The following ACSF2 variants were observed in gnomAD, a reference collection of about 807,000 sequenced individuals.
ACSF2 encodes acyl-CoA synthetase family member 2.
In ACSF2, 52 loss-of-function variants were observed where a neutral mutation model predicts 79.3. That is an observed-to-expected ratio of 0.66 (90% CI 0.53 to 0.83). ACSF2 has a LOEUF of 0.83. ACSF2 is among the 40% of genes least tolerant of loss of function. ACSF2 has a pLI of 0.00. For missense variants in ACSF2, 661 were observed against 803.3 expected (o/e 0.82, Z 2.14); for synonymous variants, 283 against 312.6 (o/e 0.91, Z 1.00).
At chr17:50,468,359 A>C in intron 10 of ACSF2, 1 of 1,614,214 alleles carries the variant, frequency 6.2e-7, no homozygotes, top group Non-Finnish European at 8.5e-7. Context: ...GTTGAGCTGC[A>C]AGATGAAGAG....
chr17:50,468,071 G>A (rs2032853719), intron 10 of ACSF2: 1 of 1,608,118 alleles, frequency 6.2e-7, no homozygotes. Flanking sequence ...CAGCCAGAGG[G>A]TCTCCAGGTA....
intron 1 of ACSF2, among the ~76,000 whole-genome samples, chr17:50,458,742 G>A (rs914501532): frequency 6.6e-6 from 1 of 152,188 alleles, no homozygotes. Context: ...ATAAATGTTG[G>A]CTAAGTACTC....
intron 1 of ACSF2, among the ~76,000 whole-genome samples, chr17:50,433,720 G>A (rs1013848402): frequency 6.6e-6 from 1 of 152,140 alleles, no homozygotes; most frequent in African/African-American, 2.4e-5. Flanking sequence ...CCAGTCTCAG[G>A]TGATGTGCCC....
At chr17:50,462,890 C>G in intron 6 of ACSF2, 1 of 581,576 alleles carries the variant, frequency 1.7e-6, no homozygotes, top group Non-Finnish European at 3.0e-6. Context: ...ATCAGAGACG[C>G]AGAAGAGAGA....
At chr17:50,458,011 A>G (rs1243344395) in intron 1 of ACSF2, among the ~76,000 whole-genome samples, 3 of 152,178 alleles carry the variant, frequency 2.0e-5, no homozygotes, top group South Asian at 4.1e-4. Flanking sequence ...AGGAATTTGC[A>G]TTCTTTGTGA....
intron 10 of ACSF2, chr17:50,468,903 CTT>C: frequency 1.4e-6 from 2 of 1,425,190 alleles, no homozygotes; most frequent in Non-Finnish European, 1.8e-6. Flanking sequence ...CTGCCGCCCT[CTT>C]TATACGGTGG....
chr17:50,464,354 A>T, intron 10 of ACSF2, 60 bp downstream of exon 10: 1 of 1,521,998 alleles, frequency 6.6e-7, no homozygotes, highest in Non-Finnish European at 9.1e-7. Context: ...CAGCAGATGG[A>T]CAGACATGGG....
At chr17:50,465,332 G>C (rs747079960) in intron 10 of ACSF2, 1 of 1,614,062 alleles carries the variant, frequency 6.2e-7, no homozygotes, top group Non-Finnish European at 8.5e-7. Context: ...CCTCTTGGTG[G>C]GGAACTTGCA....
intron 10 of ACSF2, chr17:50,469,932 C>CCA (rs2033028084): frequency 6.6e-6 from 1 of 152,592 alleles, no homozygotes; most frequent in African/African-American, 2.4e-5. Flanking sequence ...TGCCCACTTG[C>CCA]CAGCCACGAT....
At chr17:50,466,091 CTT>C (rs1345682475) in intron 10 of ACSF2, among the ~76,000 whole-genome samples, 3 of 120,176 alleles carry the variant, frequency 2.5e-5, no homozygotes, top group African/African-American at 3.2e-5. Flanking sequence ...TTTTTTTTTC[CTT>C]TTTTTTTTTT....
rs1389797560 is a variant in ACSF2, at chr17:50,472,192, C to T, written c.1324-236C>T. 4 of 503,626 alleles carry T rather than the reference C, an allele frequency of 7.9e-6. No individual in the cohort carries two copies. In the Admixed American group the frequency reaches 1.3e-4, roughly 16 times the overall value. The allele number at this position is 503,626 out of a possible 1,614,324, so 31.2% of individuals were successfully genotyped here. ...TGCCTGCCCACTCTGTTTCCTCAGCCCTCCCAGCCTGGGACTCAGCTCTTC... is the reference window on the plus strand; with the variant it reads ...TGCCTGCCCACTCTGTTTCCTCAGCTCTCCCAGCCTGGGACTCAGCTCTTC... On this transcript the variant is annotated intron_variant, in intron 11 of 15. Transcript: ENST00000300441.
In ACSF2 at chr17:50,434,268, G is replaced by A. The variant is rs540820229; in HGVS notation, c.128+7879G>A. On this transcript the variant is annotated intron_variant, in intron 1 of 15. Coordinates refer to ENST00000300441, the MANE Select transcript of ACSF2 (RefSeq NM_025149.6). ...CAGGAAGTCGAGGCTGCAGTGAGCCGTGATCATGCCACCACACTCTAGCCT... is the reference window on the plus strand; with the variant it reads ...CAGGAAGTCGAGGCTGCAGTGAGCCATGATCATGCCACCACACTCTAGCCT... 6.6e-5 allele frequency among the ~76,000 whole-genome samples: 10 copies of A among 152,200 alleles called. No homozygotes were observed. In the South Asian group the frequency reaches 1.5e-3, roughly 22 times the overall value.
intron 1 of ACSF2, among the ~76,000 whole-genome samples, chr17:50,432,103 G>C (rs2029979450): frequency 6.6e-6 from 1 of 151,940 alleles, no homozygotes; most frequent in Non-Finnish European, 1.5e-5. Context: ...GTTTTGCCAT[G>C]TTGCCCAGGC....
intron 4 of ACSF2, among the ~76,000 whole-genome samples, chr17:50,461,980 T>C (rs1375009988): frequency 6.7e-6 from 1 of 150,076 alleles, no homozygotes; most frequent in Non-Finnish European, 1.5e-5. Flanking sequence ...ATGTGATGCA[T>C]ATGTGTCTCA....
chr17:50,465,911 A>G lies in ACSF2; in HGVS notation c.1215+1617A>G, dbSNP rs780427225. 3.7e-6 allele frequency: 6 copies of G among 1,609,438 alleles called. No homozygotes were observed. The South Asian group carries it at 5.5e-5, about 15-fold the overall frequency. Reference sequence around the variant, plus strand: ...GGAGCAAGGTGGGAGCAAGGTGGTCATGAGTGAATGAGTAAGCACCCGAGT... The same window carrying G: ...GGAGCAAGGTGGGAGCAAGGTGGTCGTGAGTGAATGAGTAAGCACCCGAGT... On this transcript the variant is annotated intron_variant, in intron 10 of 15. Coordinates refer to ENST00000300441, the MANE Select transcript of ACSF2 (RefSeq NM_025149.6).
intron 1 of ACSF2, among the ~76,000 whole-genome samples, chr17:50,438,775 C>T (rs570487639): frequency 1.4e-4 from 21 of 152,078 alleles, no homozygotes; most frequent in African/African-American, 4.6e-4. Flanking sequence ...CCATATTGGC[C>T]GGGCTGGTCT....
intron 1 of ACSF2, among the ~76,000 whole-genome samples, chr17:50,439,920 A>G (rs553105501): frequency 6.6e-6 from 1 of 152,290 alleles, no homozygotes; most frequent in African/African-American, 2.4e-5. Flanking sequence ...TTTATTGGTA[A>G]TGTCTCCTGT....
chr17:50,463,386 C>T lies in ACSF2; in HGVS notation c.889-9C>T. On this transcript the variant is annotated splice_polypyrimidine_tract_variant and intron_variant, in intron 7 of 15. Coordinates refer to ENST00000300441, the MANE Select transcript of ACSF2 (RefSeq NM_025149.6). This position sits in a 1 kb window ranked among gnomAD's most constrained non-coding sequence, Gnocchi z 4.6. ...CAAGACAGACCCAGCCTCCTGTCTC[C>T]ATCACCAGACACCAGAGCAGTTGCG... 1 of 1,613,548 alleles carries T rather than the reference C, an allele frequency of 6.2e-7. No individual in the cohort carries two copies. The highest frequency in any genetic ancestry group is 1.1e-5 in the South Asian group (1 of 91,006).
chr17:50,445,429 A>G (rs1256921287), intron 1 of ACSF2, among the ~76,000 whole-genome samples: 3 of 152,116 alleles, frequency 2.0e-5, no homozygotes, highest in African/African-American at 7.2e-5. Context: ...AGATTTACCC[A>G]TCTCTGCCTT....
Sources: gnomAD v4.1 joint callset for allele counts (sites outside exome capture counted in the v4.1 genomes callset) on GRCh38, gnomAD v4.1.1 for gene constraint, Gnocchi (gnomAD v3.1) non-coding constraint, MANE v1.5 for transcripts, NCBI Gene and HGNC (gene_info 2026-07-23, HGNC 2026-07-21) for gene names.